OPCML: variants seen among roughly 807,000 people sequenced by gnomAD.
OPCML encodes the protein opioid-binding protein/cell adhesion molecule.
In OPCML, 13 loss-of-function variants were observed where a neutral mutation model predicts 37.8. The ratio of observed to expected loss-of-function variants is 0.34; its 90% CI spans 0.22 to 0.55. The LOEUF is 0.55. Among genes scored for constraint, OPCML ranks in the 20% least tolerant of loss-of-function variants. OPCML has a pLI of 0.91. For missense variants in OPCML, 341 were observed against 435.6 expected (o/e 0.78, Z 1.93); for synonymous variants, 176 against 168.8 (o/e 1.04, Z -0.33).
At chr11:132,868,333 A>C in intron 2 of OPCML, among the ~76,000 whole-genome samples, 1 of 102,624 alleles carries the variant, frequency 9.7e-6, no homozygotes, top group East Asian at 2.8e-4. Flanking sequence ...TACAAAGGGG[A>C]TATATTATAT....
rs541595874 is a variant in OPCML, at chr11:132,845,295, C to T, written c.146+97631G>A. ...AGAACAGCCCTGCATTGCCATTTAC[C>T]GCATGCTTAGGCCACTCAGTTATTT... is the stretch of plus-strand genomic sequence containing the variant. On this transcript the variant is annotated intron_variant, in intron 2 of 7. Coordinates refer to ENST00000524381, the MANE Select transcript of OPCML (RefSeq NM_001012393.5). 1.1e-4 allele frequency among the ~76,000 whole-genome samples: 17 copies of T among 152,224 alleles called. No individual in the cohort carries two copies. In the South Asian group the frequency reaches 1.2e-3, roughly 11 times the overall value.
At chr11:132,766,856 A>G (rs1228037646) in intron 2 of OPCML, among the ~76,000 whole-genome samples, 1 of 152,232 alleles carries the variant, frequency 6.6e-6, no homozygotes, top group Admixed American at 6.5e-5. Context: ...TAATAACTGC[A>G]TATTATATGA....
chr11:132,736,749 C>T (rs1945272838), intron 2 of OPCML, among the ~76,000 whole-genome samples: 1 of 152,158 alleles, frequency 6.6e-6, no homozygotes, highest in African/African-American at 2.4e-5. Context: ...CACTAGTGAG[C>T]AGATCCTTCA....
At chr11:133,335,277 C>T (rs1287456748) in intron 1 of OPCML, among the ~76,000 whole-genome samples, 1 of 152,150 alleles carries the variant, frequency 6.6e-6, no homozygotes, top group African/African-American at 2.4e-5. Context: ...GTGATTTCCC[C>T]AAAGTCATAC....
At chr11:132,900,938 A>G (rs1331532934) in intron 2 of OPCML, among the ~76,000 whole-genome samples, 1 of 152,234 alleles carries the variant, frequency 6.6e-6, no homozygotes, top group East Asian at 1.9e-4. Flanking sequence ...CATGCCTGTA[A>G]TCTCAGCACT....
chr11:133,271,634 G>A (rs550838640), intron 1 of OPCML, among the ~76,000 whole-genome samples: 1 of 152,178 alleles, frequency 6.6e-6, no homozygotes, highest in Non-Finnish European at 1.5e-5. Context: ...CCATTTTACT[G>A]AGGAAGGAGC....
intron 1 of OPCML, chr11:133,026,572 G>C (rs554645285): frequency 1.0e-6 from 1 of 985,194 alleles, no homozygotes; most frequent in African/African-American, 1.7e-5. Context: ...TCTGGTCTAG[G>C]TGAAACTGTG....
chr11:132,804,791 G>T (rs1000179233), intron 2 of OPCML, among the ~76,000 whole-genome samples: 2 of 152,124 alleles, frequency 1.3e-5, no homozygotes, highest in Non-Finnish European at 2.9e-5. Context: ...TTAAAACAAG[G>T]ATCAATAGTC....
chr11:133,400,524 C>T (rs1361883323), intron 1 of OPCML, among the ~76,000 whole-genome samples: 8 of 152,132 alleles, frequency 5.3e-5, no homozygotes, highest in African/African-American at 1.7e-4. Flanking sequence ...CTAAAAACAA[C>T]GCTTTGCAGT....
chr11:133,328,595 T>A (rs1318076817), intron 1 of OPCML, among the ~76,000 whole-genome samples: 3 of 152,202 alleles, frequency 2.0e-5, no homozygotes, highest in Non-Finnish European at 2.9e-5. Context: ...GGCACTTTAC[T>A]AAATATTGAG....
intron 1 of OPCML, among the ~76,000 whole-genome samples, chr11:133,127,649 C>T (rs1418585344): frequency 6.6e-6 from 1 of 150,866 alleles, no homozygotes; most frequent in South Asian, 2.1e-4. Context: ...AAAAAAAAGT[C>T]ATTTATCTAA....
chr11:133,058,049 C>A (rs1948272500), intron 1 of OPCML, among the ~76,000 whole-genome samples: 1 of 152,220 alleles, frequency 6.6e-6, no homozygotes, highest in Non-Finnish European at 1.5e-5. Flanking sequence ...CAATGTATTT[C>A]CAGCTCCTGG....
intron 3 of OPCML, among the ~76,000 whole-genome samples, chr11:132,614,278 T>C (rs1938848786): frequency 6.6e-6 from 1 of 152,106 alleles, no homozygotes; most frequent in South Asian, 2.1e-4. Flanking sequence ...CCCCATCAGA[T>C]TTTCCTGAGC....
chr11:132,593,157 G>T (rs1489251155), intron 3 of OPCML, among the ~76,000 whole-genome samples: 2 of 152,316 alleles, frequency 1.3e-5, no homozygotes, highest in African/African-American at 4.8e-5. Context: ...CTGGGCAGGA[G>T]CCTGTGTGAA....
chr11:133,166,116 G>C (rs1950204771), intron 1 of OPCML, among the ~76,000 whole-genome samples: 1 of 152,120 alleles, frequency 6.6e-6, no homozygotes, highest in African/African-American at 2.4e-5. Flanking sequence ...AAGTCACTCT[G>C]TTCTTTTAAC....
chr11:132,652,116 G>A (rs561103416), intron 3 of OPCML, among the ~76,000 whole-genome samples: 2 of 152,290 alleles, frequency 1.3e-5, no homozygotes, highest in African/African-American at 4.8e-5. Flanking sequence ...TGGATCCACA[G>A]AGGGTCCAGG....
chr11:133,518,040 G>A (rs78912802), intron 1 of OPCML, among the ~76,000 whole-genome samples: 2 of 152,152 alleles, frequency 1.3e-5, no homozygotes, highest in East Asian at 1.9e-4. Flanking sequence ...ATATTACAGA[G>A]AGACAGCCTC....
intron 1 of OPCML, among the ~76,000 whole-genome samples, chr11:133,337,981 A>C (rs1212970341): frequency 6.6e-6 from 1 of 151,820 alleles, no homozygotes; most frequent in Non-Finnish European, 1.5e-5. Flanking sequence ...CTACCTGTGG[A>C]AGCCACAGGG....
intron 2 of OPCML, among the ~76,000 whole-genome samples, chr11:132,913,223 A>C (rs1944486393): frequency 6.6e-6 from 1 of 152,236 alleles, no homozygotes; most frequent in African/African-American, 2.4e-5. Flanking sequence ...AAGTAACTTA[A>C]AATCAATGAT....
Sources: gnomAD v4.1 joint callset for allele counts (sites outside exome capture counted in the v4.1 genomes callset) on GRCh38, gnomAD v4.1.1 for gene constraint, MANE v1.5 for transcripts, NCBI Gene and HGNC (gene_info 2026-07-23, HGNC 2026-07-21) for gene names.